Variants in WDPCP observed in about 807,000 individuals in gnomAD.
The protein encoded by WDPCP is WD repeat containing planar cell polarity effector, also known as WD repeat-containing and planar cell polarity effector protein fritz homolog.
WDPCP carries 71 observed loss-of-function variants against 93.1 expected under a neutral mutation model. That is an observed-to-expected ratio of 0.76 (90% CI 0.63 to 0.93). WDPCP has a LOEUF of 0.93. WDPCP is among the 40% of genes least tolerant of loss of function. WDPCP has a pLI of 0.00. For synonymous variants in WDPCP, 315 were observed against 315.0 expected, an observed-to-expected ratio of 1.00 and a Z score of 0.00; for missense variants, 844 against 887.4, an observed-to-expected ratio of 0.95 and a Z score of 0.62.
intron 14 of WDPCP, chr2:63,229,231 C>A (rs1297275582): frequency 2.0e-5 from 3 of 152,148 alleles, no homozygotes; most frequent in Non-Finnish European, 2.9e-5. Context: ...TAAATGTCTT[C>A]TTTTGAGAAG....
Position 63,487,474 on chromosome 2 carries a change from G to C in WDPCP, c.181C>G (p.Gln61Glu). ...GGTGGATCTTTCTTGTCATAATACT[G>C]GTAGATCCCAATGTCTCTATCTATA... The part of the protein sequence containing the change: ...HIADRDIGIY[Q>E]YYDKKDPPAT... Residue 61 changes from glutamine (Q) to glutamate (E), a missense_variant, in exon 3 of 18, where the codon CAG becomes GAG. By Grantham distance (29) the Gln-to-Glu change is conservative. Coordinates refer to ENST00000272321, the MANE Select transcript of WDPCP (RefSeq NM_015910.7). 1.3e-6 allele frequency: 2 copies of C among 1,594,424 alleles called. No individual in the cohort carries two copies. The highest frequency in any genetic ancestry group is 2.2e-5 in the South Asian group (2 of 90,518).
intron 1 of WDPCP, among the ~76,000 whole-genome samples, chr2:63,536,892 A>G (rs1040574407): frequency 6.6e-6 from 1 of 150,692 alleles, no homozygotes; most frequent in Non-Finnish European, 1.5e-5. Context: ...CAGCCTCCCA[A>G]GTAGCTGGGA....
At chr2:63,130,477 T>C (rs908861524) in intron 17 of WDPCP, among the ~76,000 whole-genome samples, 1 of 152,164 alleles carries the variant, frequency 6.6e-6, no homozygotes, top group African/African-American at 2.4e-5. Flanking sequence ...TATATGTCTG[T>C]CTTTATGCTA....
intron 3 of WDPCP, among the ~76,000 whole-genome samples, chr2:63,627,678 CAG>C (rs1450645579): frequency 6.6e-6 from 1 of 152,206 alleles, no homozygotes. Flanking sequence ...GACTTCGGAG[CAG>C]AGTCCCTCCA....
chr2:63,708,455 C>T (rs1373896916), intron 2 of WDPCP, among the ~76,000 whole-genome samples: 4 of 152,178 alleles, frequency 2.6e-5, no homozygotes, highest in Non-Finnish European at 4.4e-5. Flanking sequence ...CCTGATGTGC[C>T]GTTTGTTAAG....
At chr2:63,520,894 C>T (rs1702871904) in intron 1 of WDPCP, among the ~76,000 whole-genome samples, 1 of 55,976 alleles carries the variant, frequency 1.8e-5, no homozygotes, top group African/African-American at 1.1e-4. Flanking sequence ...GAGACCCTAT[C>T]TCAAAAAAAA....
chr2:63,148,001 T>C (rs932545628), intron 17 of WDPCP, among the ~76,000 whole-genome samples: 1 of 143,026 alleles, frequency 7.0e-6, no homozygotes, highest in African/African-American at 2.6e-5. Context: ...TACAGCCTAG[T>C]GAAGGAGATA....
chr2:63,165,848 C>T (rs1672928593), intron 15 of WDPCP, among the ~76,000 whole-genome samples: 1 of 151,366 alleles, frequency 6.6e-6, no homozygotes, highest in Admixed American at 6.6e-5. Context: ...GTTTTGTTTT[C>T]TCTCCTTTTT....
rs1022726745 is a variant in WDPCP, at chr2:63,154,452, T to C, written c.2079-878A>G. Among the ~76,000 whole-genome samples the C allele has an allele frequency of 4.6e-4, 70 of 152,290 alleles. 1 individual carries two copies. The highest frequency in any genetic ancestry group is 1.6e-3 in the African/African-American group (65 of 41,578). ...TGTCATTCAGTATAATGCCCTGATATTCATCCAAGTTGTTAAACGTGTATC... is the reference window on the plus strand; with the variant it reads ...TGTCATTCAGTATAATGCCCTGATACTCATCCAAGTTGTTAAACGTGTATC... On this transcript the variant is annotated intron_variant, in intron 15 of 17. Coordinates refer to ENST00000272321, the MANE Select transcript of WDPCP (RefSeq NM_015910.7).
intron 2 of WDPCP, among the ~76,000 whole-genome samples, chr2:63,687,879 T>C (rs1668832103): frequency 6.6e-6 from 1 of 152,254 alleles, no homozygotes. Flanking sequence ...AAGATGTATC[T>C]GTACTCCCAT....
At chr2:63,195,636 C>A (rs949678905) in intron 14 of WDPCP, among the ~76,000 whole-genome samples, 2 of 151,524 alleles carry the variant, frequency 1.3e-5, no homozygotes, top group Non-Finnish European at 2.9e-5. Context: ...ATTTTTTCAA[C>A]AAATATATTA....
intron 1 of WDPCP, among the ~76,000 whole-genome samples, chr2:63,547,696 G>T (rs1705254578): frequency 6.7e-6 from 1 of 148,152 alleles, no homozygotes; most frequent in Non-Finnish European, 1.5e-5. Context: ...AAGCCAAGCA[G>T]AGAAAGACAA....
intron 2 of WDPCP, among the ~76,000 whole-genome samples, chr2:63,701,347 A>G (rs911050055): frequency 6.6e-6 from 1 of 152,226 alleles, no homozygotes; most frequent in Non-Finnish European, 1.5e-5. Context: ...CAAAAAGGCA[A>G]TAACAGATGC....
At chr2:63,162,914 C>G (rs914471971) in intron 15 of WDPCP, among the ~76,000 whole-genome samples, 2 of 152,048 alleles carry the variant, frequency 1.3e-5, no homozygotes, top group Non-Finnish European at 2.9e-5. Context: ...ATGAAACATT[C>G]CAAGTGAAAA....
chr2:63,430,403 G>A (rs1030154446), intron 9 of WDPCP, among the ~76,000 whole-genome samples: 2 of 152,162 alleles, frequency 1.3e-5, no homozygotes, highest in African/African-American at 4.8e-5. Flanking sequence ...GAAAGAGTAT[G>A]TGGAAATTCA....
chr2:63,392,698 CA>C (rs1377081039), intron 10 of WDPCP, among the ~76,000 whole-genome samples: 1 of 152,016 alleles, frequency 6.6e-6, no homozygotes, highest in Non-Finnish European at 1.5e-5. Context: ...AAGAAAAAAA[CA>C]AACAACCCCA....
At chr2:63,564,803 AGTCTTGCTCTGT>A (rs1706906080) in intron 1 of WDPCP, among the ~76,000 whole-genome samples, 3 of 142,610 alleles carry the variant, frequency 2.1e-5, no homozygotes, top group Non-Finnish European at 4.5e-5. Flanking sequence ...TTTGAGACAG[AGTCTTGCTCTGT>A]CGCCCAGGTT....
chr2:63,617,702 C>CCTTTACT (rs1436874585), intron 3 of WDPCP, among the ~76,000 whole-genome samples: 8 of 152,146 alleles, frequency 5.3e-5, no homozygotes, highest in Non-Finnish European at 8.8e-5. Context: ...CTTCCTGGAA[C>CCTTTACT]AAATACCTTT....
At chr2:63,527,888 C>T (rs1476865705) in intron 1 of WDPCP, among the ~76,000 whole-genome samples, 1 of 151,980 alleles carries the variant, frequency 6.6e-6, no homozygotes, top group East Asian at 1.9e-4. Context: ...CCTGTTGTTT[C>T]CTGACTTTTT....
Sources: allele counts gnomAD v4.1 joint callset (sites outside exome capture counted in the v4.1 genomes callset), GRCh38; gene constraint gnomAD v4.1.1; transcripts MANE v1.5; gene names NCBI Gene and HGNC (gene_info 2026-07-23, HGNC 2026-07-21).